Variants in NCOA1 observed in about 807,000 individuals in gnomAD.
The protein encoded by NCOA1 is nuclear receptor coactivator 1, also known as Hin-2 protein.
Under a neutral mutation model 150.9 loss-of-function variants are expected in NCOA1, and 35 were observed. The observed-to-expected ratio is 0.23, with a 90% CI of 0.18 to 0.31. The LOEUF is 0.31. Among genes scored for constraint, NCOA1 ranks in the 10% least tolerant of loss-of-function variants. NCOA1 has a pLI of 1.00. For synonymous variants in NCOA1, 590 were observed against 630.0 expected, an observed-to-expected ratio of 0.94 and a Z score of 0.95; for missense variants, 1,491 against 1,749.3, an observed-to-expected ratio of 0.85 and a Z score of 2.63.
At chr2:24,735,093 A>T (rs1323405098) in intron 17 of NCOA1, among the ~76,000 whole-genome samples, 1 of 152,238 alleles carries the variant, frequency 6.6e-6, no homozygotes, top group Non-Finnish European at 1.5e-5. Context: ...TAGTGACCTA[A>T]ATGTGAATAT....
intron 15 of NCOA1, among the ~76,000 whole-genome samples, chr2:24,727,510 T>C (rs1001307335): frequency 6.6e-6 from 1 of 152,224 alleles, no homozygotes; most frequent in East Asian, 1.9e-4. Context: ...CAGGCAGCCA[T>C]ATTCCATAAC....
chr2:24,551,318 T>A (rs556512967), intron 1 of NCOA1, among the ~76,000 whole-genome samples: 39 of 152,324 alleles, frequency 2.6e-4, no homozygotes, highest in South Asian at 1.2e-3. Flanking sequence ...TGAATTTTTT[T>A]AATTATTGTG....
At chr2:24,745,837 G>A (rs1000436928) in intron 19 of NCOA1, among the ~76,000 whole-genome samples, 13 of 152,098 alleles carry the variant, frequency 8.5e-5, no homozygotes, top group Admixed American at 4.6e-4. Context: ...TCTGAGTTCC[G>A]AGAAACAGCA....
chr2:24,666,638 A>AT (rs36037041), intron 6 of NCOA1, among the ~76,000 whole-genome samples: 4,249 of 145,356 alleles, frequency 0.029, 61 homozygotes, highest in African/African-American at 0.044. Context: ...AAAAACCCGG[A>AT]TTTTTTTTTT....
rs1662873383 is a variant in NCOA1 at position 24,729,427 on chromosome 2, T to C, written c.2887-74T>C. On this transcript the variant is annotated intron_variant, in intron 16 of 22. Coordinates refer to ENST00000348332, the MANE Select transcript of NCOA1 (RefSeq NM_003743.5). ...TTCAGAATGAATATATGATGGTGCT[T>C]TCTAGAAATACGGAAGCATGTTACT... The C allele has an allele frequency of 2.2e-6, 3 of 1,384,992 alleles. No homozygotes were observed. The Admixed American group carries it at 5.8e-5, about 27-fold the overall frequency. The allele number at this position is 1,384,992 out of a possible 1,614,324, so 85.8% of individuals were successfully genotyped here.
chr2:24,686,754 T>A (rs1672422691), intron 8 of NCOA1, among the ~76,000 whole-genome samples: 1 of 152,184 alleles, frequency 6.6e-6, no homozygotes, highest in Non-Finnish European at 1.5e-5. Context: ...ATTAATCTTG[T>A]GAAATCAGGG....
chr2:24,498,929 A>T (rs1315546655), intron 1 of NCOA1, among the ~76,000 whole-genome samples: 1 of 152,106 alleles, frequency 6.6e-6, no homozygotes, highest in Non-Finnish European at 1.5e-5. Context: ...TTTTATGTAT[A>T]TTTAAACACA....
intron 1 of NCOA1, among the ~76,000 whole-genome samples, chr2:24,545,010 G>A (rs970616971): frequency 6.6e-6 from 1 of 152,220 alleles, no homozygotes. Context: ...CCTTAATATT[G>A]ATACAGATTC....
At chr2:24,651,476 C>A (rs879944216) in intron 4 of NCOA1, among the ~76,000 whole-genome samples, 4 of 151,982 alleles carry the variant, frequency 2.6e-5, no homozygotes, top group African/African-American at 9.7e-5. Flanking sequence ...TGCATAATCT[C>A]ATTTACATGA....
chr2:24,591,691 TTG>T (rs1287536310), intron 3 of NCOA1, among the ~76,000 whole-genome samples: 1 of 152,130 alleles, frequency 6.6e-6, no homozygotes, highest in Non-Finnish European at 1.5e-5. Context: ...TACTCTTCTA[TTG>T]GCCTAGAGAA....
chr2:24,649,271 A>G (rs1670611440), intron 4 of NCOA1, among the ~76,000 whole-genome samples: 1 of 152,164 alleles, frequency 6.6e-6, no homozygotes, highest in African/African-American at 2.4e-5. Context: ...TGCAAATGAC[A>G]AAGCAAAATG....
chr2:24,636,823 G>C (rs1157311372), intron 3 of NCOA1, among the ~76,000 whole-genome samples: 6 of 151,506 alleles, frequency 4.0e-5, no homozygotes, highest in Non-Finnish European at 8.8e-5. Context: ...ATCATGAATG[G>C]GTGCTGATTT....
chr2:24,724,201 G>A (rs1301106029), intron 14 of NCOA1, among the ~76,000 whole-genome samples: 1 of 152,098 alleles, frequency 6.6e-6, no homozygotes. Context: ...AATGTTAATA[G>A]CTTGATCGGG....
At chr2:24,762,302 C>T (rs964333111) in intron 21 of NCOA1, among the ~76,000 whole-genome samples, 1 of 152,182 alleles carries the variant, frequency 6.6e-6, no homozygotes, top group African/African-American at 2.4e-5. Context: ...ATCCCTGTTA[C>T]TAAATCTTGA....
intron 7 of NCOA1, 130 bp from the exon 8 acceptor site, chr2:24,682,821 A>G: frequency 2.8e-6 from 2 of 702,024 alleles, no homozygotes; most frequent in Non-Finnish European, 4.5e-6. Flanking sequence ...CCTGCGTATC[A>G]CAATTTCCTT....
intron 2 of NCOA1, among the ~76,000 whole-genome samples, chr2:24,583,242 AATG>A (rs1432899035): frequency 1.3e-5 from 2 of 152,320 alleles, no homozygotes; most frequent in East Asian, 3.9e-4. Flanking sequence ...TAAATAGGCT[AATG>A]ATCTGACTAG....
Position 24,739,809 on chromosome 2 carries a change from G to A in NCOA1, c.3303+276G>A, listed in dbSNP as rs147080296. Among the ~76,000 whole-genome samples the A allele has an allele frequency of 7.5e-3, 1,139 of 152,096 alleles. 13 individuals are homozygous for A. The highest frequency in any genetic ancestry group is 0.026 in the African/African-American group (1,063 of 41,512). ...TAGAAAAAACTCTTATTTCTGTAGC[G>A]AATAGCACCAGTAACAGGAAGCCTC... On this transcript the variant is annotated intron_variant, in intron 18 of 22. Transcript: ENST00000348332.
intron 1 of NCOA1, among the ~76,000 whole-genome samples, chr2:24,498,005 A>G (rs552199265): frequency 1.3e-5 from 2 of 152,362 alleles, no homozygotes; most frequent in East Asian, 3.9e-4. Flanking sequence ...ATTATTTAAC[A>G]GTAGGTATTC....
intron 1 of NCOA1, among the ~76,000 whole-genome samples, chr2:24,529,043 C>T (rs1200345276): frequency 4.6e-5 from 7 of 152,236 alleles, no homozygotes; most frequent in Non-Finnish European, 2.9e-5. Flanking sequence ...CCCGCCACCA[C>T]GCCTGGCTAA....
Sources: allele counts gnomAD v4.1 joint callset (sites outside exome capture counted in the v4.1 genomes callset), GRCh38; gene constraint gnomAD v4.1.1; transcripts MANE v1.5; gene names NCBI Gene and HGNC (gene_info 2026-07-23, HGNC 2026-07-21).